The following EPC2 variants were observed in gnomAD, a reference collection of about 807,000 sequenced individuals.
The protein encoded by EPC2 is enhancer of polycomb 2.
A neutral mutation model predicts 92.1 loss-of-function variants in EPC2; 14 were observed. That is an observed-to-expected ratio of 0.15 (90% CI 0.10 to 0.24). The LOEUF is 0.24. EPC2 is among the 10% of genes least tolerant of loss of function. The pLI is 1.00. For missense variants in EPC2, 755 were observed against 971.5 expected, an observed-to-expected ratio of 0.78 and a Z score of 2.96; for synonymous variants, 340 against 334.7, an observed-to-expected ratio of 1.02 and a Z score of -0.17.
intron 1 of EPC2, among the ~76,000 whole-genome samples, chr2:148,659,013 GGGT>G (rs1011823183): frequency 1.3e-5 from 2 of 151,950 alleles, no homozygotes; most frequent in Non-Finnish European, 2.9e-5. Context: ...GGCAGTGCAT[GGGT>G]GGTGGTGGTG....
At chr2:148,654,684 A>G (rs1471136209) in intron 1 of EPC2, among the ~76,000 whole-genome samples, 1 of 152,156 alleles carries the variant, frequency 6.6e-6, no homozygotes, top group Admixed American at 6.5e-5. Flanking sequence ...ACAAACAAAA[A>G]GAGAGAGCGC....
At chr2:148,728,880 A>G (rs575949361) in intron 2 of EPC2, among the ~76,000 whole-genome samples, 3 of 151,628 alleles carry the variant, frequency 2.0e-5, no homozygotes, top group African/African-American at 7.3e-5. Context: ...AAAATACAAA[A>G]AATTAGCCGG....
chr2:148,759,497 T>C (rs1366922030), intron 4 of EPC2, among the ~76,000 whole-genome samples: 3 of 152,220 alleles, frequency 2.0e-5, no homozygotes. Context: ...TGTTGAAATA[T>C]GAATAAAGTT....
chr2:148,710,941 C>T (rs1419501924), intron 2 of EPC2, among the ~76,000 whole-genome samples: 1 of 152,148 alleles, frequency 6.6e-6, no homozygotes, highest in Non-Finnish European at 1.5e-5. Context: ...TACACACACA[C>T]AATCTCCCCC....
At chr2:148,671,944 A>G (rs1407958615) in intron 1 of EPC2, among the ~76,000 whole-genome samples, 1 of 152,036 alleles carries the variant, frequency 6.6e-6, no homozygotes, top group Admixed American at 6.5e-5. Flanking sequence ...AAATTCATTC[A>G]CATTTGTTGA....
chr2:148,759,936 A>G (rs929867076), intron 4 of EPC2, among the ~76,000 whole-genome samples: 1 of 152,086 alleles, frequency 6.6e-6, no homozygotes, highest in Middle Eastern at 3.2e-3. Context: ...AGGAACGATA[A>G]TTATTTGGGC....
chr2:148,703,432 C>T (rs1398006246), intron 2 of EPC2, among the ~76,000 whole-genome samples: 1 of 49,716 alleles, frequency 2.0e-5, no homozygotes, highest in Admixed American at 3.1e-4. Context: ...GTATCAGAAT[C>T]ACCTGTTTGG....
rs181397572 is a variant in EPC2, at chr2:148,767,104, G to A, written c.1140+1958G>A. On this transcript the variant is annotated intron_variant, in intron 7 of 13. Coordinates refer to ENST00000258484, the MANE Select transcript of EPC2 (RefSeq NM_015630.4). ...TCCCAGCTACTCCGGAGGCTGAGGCGGGAGGATTGCTCGAGCCAGGGAGAT... is the reference window on the plus strand; with the variant it reads ...TCCCAGCTACTCCGGAGGCTGAGGCAGGAGGATTGCTCGAGCCAGGGAGAT... 1.9e-3 allele frequency among the ~76,000 whole-genome samples: 292 copies of A among 152,050 alleles called. 1 individual carries two copies. The highest frequency in any genetic ancestry group is 6.8e-3 in the Middle Eastern group (2 of 294).
chr2:148,673,283 C>T (rs748032169), intron 1 of EPC2, among the ~76,000 whole-genome samples: 1 of 152,100 alleles, frequency 6.6e-6, no homozygotes, highest in Non-Finnish European at 1.5e-5. Flanking sequence ...AGCTCTCTGT[C>T]CCTTCTCTCT....
In EPC2 at chr2:148,771,196, G is replaced by C. The variant is rs1193963805; in HGVS notation, c.1529G>C (p.Arg510Thr). Residue 510 changes from arginine (R) to threonine (T), a missense_variant, in exon 10 of 14, where the codon AGA (arginine) becomes ACA (threonine). Physicochemically the swap from Arg to Thr is moderately conservative, Grantham distance 71. Around this residue, in one of 4 missense-constraint regions of EPC2, gnomAD observed 509 missense variants for 607.7 expected, o/e 0.84. Coordinates refer to ENST00000258484, the MANE Select transcript of EPC2 (RefSeq NM_015630.4). Reference sequence around the variant, plus strand: ...GCTTCCAGTAAACATTGTGAAAATAGACTGTCTCTTTCTGAAATATTAAGC... The same window carrying C: ...GCTTCCAGTAAACATTGTGAAAATACACTGTCTCTTTCTGAAATATTAAGC... Reference protein sequence around the residue: ...TNASSKHCENRLSLSEILSNI... With the variant: ...TNASSKHCENTLSLSEILSNI... The C allele has an allele frequency of 1.2e-6, 2 of 1,613,930 alleles. No individual in the cohort carries two copies.
At position 148,786,453 on chromosome 2, in the gene EPC2, T is replaced by A. The variant is rs1479563877; in HGVS notation, c.*76T>A. 2 of 1,168,384 alleles carry A rather than the reference T, an allele frequency of 1.7e-6. No individual in the cohort carries two copies. Among genetic ancestry groups the A allele is most frequent in the African/African-American group, 1.5e-5 (1 of 65,800 alleles). 72.4% of individuals were successfully genotyped at this position (1,168,384 alleles called of 1,614,324 possible). ...TCCAGCTGAATGCAAAAGGCAACAC[T>A]CTGTGGATCACAGAGTGTAACAATG... On this transcript the variant is annotated 3_prime_UTR_variant, in exon 14 of 14. Coordinates refer to ENST00000258484, the MANE Select transcript of EPC2 (RefSeq NM_015630.4).
intron 1 of EPC2, among the ~76,000 whole-genome samples, chr2:148,674,302 T>C (rs964841876): frequency 3.9e-5 from 6 of 152,248 alleles, no homozygotes; most frequent in African/African-American, 1.4e-4. Context: ...AGCAAGCCAC[T>C]GAGTTCTTTT....
At chr2:148,693,720 T>C (rs147593883) in intron 2 of EPC2, among the ~76,000 whole-genome samples, 1 of 152,324 alleles carries the variant, frequency 6.6e-6, no homozygotes, top group East Asian at 1.9e-4. Flanking sequence ...CAAGCTACAC[T>C]AATAATGAGA....
intron 8 of EPC2, among the ~76,000 whole-genome samples, chr2:148,769,462 A>G (rs1683475365): frequency 6.6e-6 from 1 of 152,170 alleles, no homozygotes; most frequent in Non-Finnish European, 1.5e-5. Flanking sequence ...CATTTTAGAA[A>G]TTTAGGTTCA....
At chr2:148,747,451 C>T (rs948216907) in intron 3 of EPC2, among the ~76,000 whole-genome samples, 24 of 151,998 alleles carry the variant, frequency 1.6e-4, no homozygotes, top group African/African-American at 5.6e-4. Context: ...GTGCCCAAGT[C>T]CCTATTTCCA....
intron 1 of EPC2, among the ~76,000 whole-genome samples, chr2:148,663,772 T>C (rs1287051085): frequency 2.0e-5 from 3 of 152,050 alleles, no homozygotes; most frequent in Non-Finnish European, 4.4e-5. Flanking sequence ...GGTTTTGGTA[T>C]GAAACTGTTC....
intron 4 of EPC2, among the ~76,000 whole-genome samples, chr2:148,759,847 CTA>C (rs1288142057): frequency 6.6e-6 from 1 of 151,980 alleles, no homozygotes; most frequent in African/African-American, 2.4e-5. Flanking sequence ...AAGACTGAAA[CTA>C]TTTCAAAACA....
At chr2:148,707,396 A>G (rs1298950302) in intron 2 of EPC2, among the ~76,000 whole-genome samples, 1 of 152,164 alleles carries the variant, frequency 6.6e-6, no homozygotes, top group South Asian at 2.1e-4. Context: ...CACAATAATA[A>G]TGGGAGACTT....
chr2:148,691,625 T>C (rs1245200254), intron 2 of EPC2: 1 of 1,549,708 alleles, frequency 6.5e-7, no homozygotes, highest in African/African-American at 1.4e-5. Flanking sequence ...TGCCAGGCAT[T>C]TGGGGACACT....
Sources: allele counts gnomAD v4.1 joint callset (sites outside exome capture counted in the v4.1 genomes callset), GRCh38; gene constraint gnomAD v4.1.1; regional missense constraint gnomAD v4.1.1; transcripts MANE v1.5; gene names NCBI Gene and HGNC (gene_info 2026-07-23, HGNC 2026-07-21).